TRERF1: variants seen among roughly 807,000 people sequenced by gnomAD.
TRERF1 encodes the protein transcriptional-regulating factor 1.
TRERF1 carries 27 observed loss-of-function variants against 122.9 expected under a neutral mutation model. That is an observed-to-expected ratio of 0.22 (90% CI 0.16 to 0.30). The LOEUF (loss-of-function observed/expected upper bound fraction) is 0.30. TRERF1 is among the 10% of genes least tolerant of loss of function. The pLI, the probability that TRERF1 is intolerant of heterozygous loss-of-function variation, is 1.00. For missense variants in TRERF1, 1,248 were observed against 1,560.3 expected (o/e 0.80, Z 3.37); for synonymous variants, 636 against 641.7 (o/e 0.99, Z 0.13).
chr6:42,438,670 C>T (rs1785917282), intron 2 of TRERF1, among the ~76,000 whole-genome samples: 1 of 151,882 alleles, frequency 6.6e-6, no homozygotes, highest in South Asian at 2.1e-4. Context: ...TTTCCAAATT[C>T]TGCCATCCTG....
At chr6:42,349,888 C>G (rs1769076926) in intron 3 of TRERF1, among the ~76,000 whole-genome samples, 1 of 152,152 alleles carries the variant, frequency 6.6e-6, no homozygotes, top group South Asian at 2.1e-4. Context: ...GTACTGAGCT[C>G]ATGTTCAAAT....
chr6:42,296,619 C>T (rs1177834900), intron 4 of TRERF1, among the ~76,000 whole-genome samples: 1 of 152,174 alleles, frequency 6.6e-6, no homozygotes, highest in Non-Finnish European at 1.5e-5. Flanking sequence ...CCCTGCCCCT[C>T]AAAGCCCAAA....
chr6:42,431,720 C>G (rs531715167), intron 2 of TRERF1, among the ~76,000 whole-genome samples: 1 of 152,208 alleles, frequency 6.6e-6, no homozygotes, highest in Admixed American at 6.5e-5. Context: ...CAATACACAC[C>G]AGGGACCCCC....
At chr6:42,362,179 G>A (rs754528164) in intron 3 of TRERF1, among the ~76,000 whole-genome samples, 8 of 152,150 alleles carry the variant, frequency 5.3e-5, no homozygotes, top group Non-Finnish European at 1.0e-4. Context: ...CACGAGCCAC[G>A]TGTTTCCGAC....
chr6:42,234,716 G>A (rs918283916), intron 16 of TRERF1, among the ~76,000 whole-genome samples: 4 of 152,090 alleles, frequency 2.6e-5, no homozygotes, highest in African/African-American at 9.7e-5. Flanking sequence ...GTTAGGCAAG[G>A]AATAAAATAA....
At chr6:42,339,358 C>T (rs905784596) in intron 3 of TRERF1, among the ~76,000 whole-genome samples, 11 of 152,148 alleles carry the variant, frequency 7.2e-5, no homozygotes, top group Non-Finnish European at 1.5e-4. Flanking sequence ...CCCTCTGCTC[C>T]TTTTTTCCTT....
At chr6:42,380,596 T>C (rs139123143) in intron 2 of TRERF1, among the ~76,000 whole-genome samples, 3 of 152,338 alleles carry the variant, frequency 2.0e-5, no homozygotes, top group African/African-American at 7.2e-5. Context: ...TGTCTCACTC[T>C]CTGACTTGAG....
chr6:42,308,603 C>T (rs1275547360), intron 3 of TRERF1, among the ~76,000 whole-genome samples: 1 of 152,190 alleles, frequency 6.6e-6, no homozygotes, highest in Non-Finnish European at 1.5e-5. Flanking sequence ...GCCGTGCAGC[C>T]ATAAAGAAGA....
intron 3 of TRERF1, among the ~76,000 whole-genome samples, chr6:42,310,582 G>A (rs1450457006): frequency 2.0e-5 from 3 of 152,150 alleles, no homozygotes; most frequent in Non-Finnish European, 4.4e-5. Flanking sequence ...TAGAGGCCAC[G>A]GATGCTGCTA....
At chr6:42,435,131 C>CAA (rs58270665) in intron 2 of TRERF1, among the ~76,000 whole-genome samples, 9 of 143,358 alleles carry the variant, frequency 6.3e-5, no homozygotes, top group African/African-American at 1.8e-4. Context: ...AACTCTGTCT[C>CAA]AAAAAAAAAA....
chr6:42,233,030 G>C lies in TRERF1; in HGVS notation c.3067-138C>G, dbSNP rs911652990. On this transcript the variant is annotated intron_variant, in intron 16 of 17. Coordinates refer to ENST00000372922, the Ensembl canonical transcript of TRERF1. ...AGGGTTTTATATAAGCAAACTTTGG[G>C]CATATGCTACAAAAGGTAAAGATCA... 105 of 1,281,144 alleles carry C rather than the reference G, an allele frequency of 8.2e-5. No individual in the cohort carries two copies. In the African/African-American group the frequency reaches 1.4e-3, roughly 17 times the overall value. 79.4% of individuals were successfully genotyped at this position (1,281,144 alleles called of 1,614,324 possible).
chr6:42,367,897 C>G (rs142022753), intron 2 of TRERF1, among the ~76,000 whole-genome samples: 1 of 152,050 alleles, frequency 6.6e-6, no homozygotes, highest in African/African-American at 2.4e-5. Flanking sequence ...ATCTGGCTGC[C>G]CGGCCAGCGT....
intron 3 of TRERF1, among the ~76,000 whole-genome samples, chr6:42,311,162 T>G (rs765561671): frequency 1.3e-5 from 2 of 152,146 alleles, no homozygotes; most frequent in Non-Finnish European, 2.9e-5. Context: ...TGGAGGAGAA[T>G]AACAATATAC....
chr6:42,385,800 A>G (rs1442387497), intron 2 of TRERF1, among the ~76,000 whole-genome samples: 1 of 152,268 alleles, frequency 6.6e-6, no homozygotes, highest in Admixed American at 6.5e-5. Flanking sequence ...GGGCTACAGC[A>G]ATATTTATTC....
At chr6:42,340,274 G>T (rs1396247628) in intron 3 of TRERF1, among the ~76,000 whole-genome samples, 1 of 152,132 alleles carries the variant, frequency 6.6e-6, no homozygotes, top group Non-Finnish European at 1.5e-5. Flanking sequence ...AAGGAGTGTG[G>T]AGTGACAGCT....
intron 2 of TRERF1, among the ~76,000 whole-genome samples, chr6:42,376,536 C>CTTTTT (rs781389630): frequency 2.1e-4 from 20 of 96,314 alleles, no homozygotes; most frequent in Non-Finnish European, 2.5e-4. Context: ...TCGTCTAATT[C>CTTTTT]TTTTTTTTTT....
At chr6:42,404,006 C>A (rs944684840) in intron 2 of TRERF1, among the ~76,000 whole-genome samples, 1 of 152,106 alleles carries the variant, frequency 6.6e-6, no homozygotes, top group African/African-American at 2.4e-5. Context: ...ATGTATGGGG[C>A]ACTCCGTGGG....
intron 3 of TRERF1, among the ~76,000 whole-genome samples, chr6:42,357,527 T>G (rs1232631471): frequency 6.6e-6 from 1 of 152,076 alleles, no homozygotes; most frequent in Non-Finnish European, 1.5e-5. Flanking sequence ...AAGCCACATC[T>G]GAGATCACGT....
intron 3 of TRERF1, among the ~76,000 whole-genome samples, chr6:42,303,904 TAAAAAAA>T (rs60880174): frequency 2.9e-5 from 2 of 69,258 alleles, no homozygotes; most frequent in East Asian, 4.6e-4. Context: ...CACTGTCTCA[TAAAAAAA>T]AAAAAAAAAA....
Sources: allele counts gnomAD v4.1 joint callset (sites outside exome capture counted in the v4.1 genomes callset), GRCh38; gene constraint gnomAD v4.1.1; transcripts MANE v1.5; gene names NCBI Gene and HGNC (gene_info 2026-07-23, HGNC 2026-07-21).